Variants in NCAM2 observed in about 807,000 individuals in gnomAD.
NCAM2 encodes neural cell adhesion molecule 2.
A neutral mutation model predicts 98.1 loss-of-function variants in NCAM2; 30 were observed. The observed-to-expected ratio is 0.31, with a 90% CI of 0.23 to 0.41. The LOEUF is 0.41. Among genes scored for constraint, NCAM2 ranks in the 10% least tolerant of loss-of-function variants. The pLI, the probability that NCAM2 is intolerant of heterozygous loss-of-function variation, is 1.00. For missense variants in NCAM2, 867 were observed against 1,005.8 expected, an observed-to-expected ratio of 0.86 and a Z score of 1.87; for synonymous variants, 368 against 342.4, an observed-to-expected ratio of 1.07 and a Z score of -0.83.
intron 1 of NCAM2, among the ~76,000 whole-genome samples, chr21:21,049,050 C>T (rs1374264276): frequency 4.7e-5 from 6 of 128,910 alleles, no homozygotes; most frequent in South Asian, 2.4e-4. Flanking sequence ...CTCGCTCTGT[C>T]GCCCAGGCTG....
intron 1 of NCAM2, among the ~76,000 whole-genome samples, chr21:21,176,365 A>G (rs2068289994): frequency 6.6e-6 from 1 of 152,152 alleles, no homozygotes; most frequent in Non-Finnish European, 1.5e-5. Flanking sequence ...TGTCATAGCA[A>G]CCATCTATAT....
intron 1 of NCAM2, among the ~76,000 whole-genome samples, chr21:21,031,844 G>A (rs1163092999): frequency 3.3e-5 from 5 of 151,540 alleles, no homozygotes; most frequent in Non-Finnish European, 5.9e-5. Flanking sequence ...ACACACGTGT[G>A]CTTGTGCAAT....
At chr21:21,481,567 A>G (rs1427865888) in intron 15 of NCAM2, among the ~76,000 whole-genome samples, 2 of 152,114 alleles carry the variant, frequency 1.3e-5, no homozygotes, top group South Asian at 2.1e-4. Flanking sequence ...TGCTTTCAGG[A>G]AGTTTTTCTA....
intron 1 of NCAM2, among the ~76,000 whole-genome samples, chr21:21,274,949 G>T (rs1225097884): frequency 6.6e-6 from 1 of 151,916 alleles, no homozygotes; most frequent in Non-Finnish European, 1.5e-5. Context: ...AGCAAAGGGC[G>T]CTTGGTACCC....
rs766551961 is a variant in NCAM2, at chr21:21,286,263, A to C, written c.338-6A>C. Reference sequence around the variant, plus strand: ...ATTTGTGATTTGTTTTACTTTGTTGATACAGAAAAACTCACTTTCAGAGAA... The same window carrying C: ...ATTTGTGATTTGTTTTACTTTGTTGCTACAGAAAAACTCACTTTCAGAGAA... On this transcript the variant is annotated splice_polypyrimidine_tract_variant and splice_region_variant and intron_variant, in intron 3 of 17. Coordinates refer to ENST00000400546, the MANE Select transcript of NCAM2 (RefSeq NM_004540.5). The C allele has an allele frequency of 6.3e-7, 1 of 1,585,394 alleles. No individual in the cohort carries two copies. Among genetic ancestry groups the C allele is most frequent in the South Asian group, 1.1e-5 (1 of 88,220 alleles).
intron 4 of NCAM2, among the ~76,000 whole-genome samples, chr21:21,287,156 A>G (rs1274680448): frequency 6.6e-6 from 1 of 151,920 alleles, no homozygotes; most frequent in Non-Finnish European, 1.5e-5. Flanking sequence ...AGCATTTTCA[A>G]TTTAGAATTT....
intron 10 of NCAM2, among the ~76,000 whole-genome samples, chr21:21,415,936 C>T (rs1167393291): frequency 6.6e-6 from 1 of 152,164 alleles, no homozygotes; most frequent in African/African-American, 2.4e-5. Flanking sequence ...GCTTTCTTAT[C>T]ATTTGTGAGT....
chr21:21,342,427 C>T (rs1034546034), intron 8 of NCAM2, among the ~76,000 whole-genome samples: 1 of 152,178 alleles, frequency 6.6e-6, no homozygotes, highest in Non-Finnish European at 1.5e-5. Context: ...CAACATGGCT[C>T]ACTTAAGTGG....
At chr21:21,160,502 A>T (rs114579155) in intron 1 of NCAM2, among the ~76,000 whole-genome samples, 1 of 152,004 alleles carries the variant, frequency 6.6e-6, no homozygotes, top group African/African-American at 2.4e-5. Flanking sequence ...AAGTCTTACA[A>T]TATTTTCTAA....
At chr21:21,276,164 A>C (rs1480930590) in intron 1 of NCAM2, among the ~76,000 whole-genome samples, 1 of 152,096 alleles carries the variant, frequency 6.6e-6, no homozygotes, top group Non-Finnish European at 1.5e-5. Flanking sequence ...TAATGGGCAA[A>C]CTTGATACAC....
At chr21:21,291,789 A>G (rs962577818) in intron 4 of NCAM2, among the ~76,000 whole-genome samples, 3 of 151,714 alleles carry the variant, frequency 2.0e-5, no homozygotes, top group Non-Finnish European at 4.4e-5. Flanking sequence ...ATCTCTCTGC[A>G]TTGTTCTTTT....
chr21:21,438,928 T>C (rs1978812318), intron 12 of NCAM2, among the ~76,000 whole-genome samples: 1 of 151,866 alleles, frequency 6.6e-6, no homozygotes, highest in African/African-American at 2.4e-5. Context: ...CTAAAAAAAT[T>C]GTTTTTTATT....
chr21:21,050,831 C>G (rs4818598), intron 1 of NCAM2, among the ~76,000 whole-genome samples: 143,207 of 152,268 alleles, frequency 0.94, 67,954 homozygotes, highest in East Asian at 1. Context: ...CAAATGTGAA[C>G]TATTTTAGTT....
intron 1 of NCAM2, among the ~76,000 whole-genome samples, chr21:21,036,963 C>T (rs1173546508): frequency 6.6e-6 from 1 of 152,170 alleles, no homozygotes; most frequent in African/African-American, 2.4e-5. Flanking sequence ...GCACAAATGG[C>T]AGCTTTTCAG....
chr21:21,425,916 C>G (rs531598305), intron 11 of NCAM2, among the ~76,000 whole-genome samples: 5 of 152,124 alleles, frequency 3.3e-5, no homozygotes, highest in African/African-American at 1.2e-4. Flanking sequence ...AATGTATTAC[C>G]AACATAAATA....
At chr21:21,422,701 A>G (rs1184842077) in intron 11 of NCAM2, among the ~76,000 whole-genome samples, 1 of 152,148 alleles carries the variant, frequency 6.6e-6, no homozygotes, top group African/African-American at 2.4e-5. Flanking sequence ...CTTTTAATCC[A>G]AATATTAACT....
rs73232030 is a variant in NCAM2, at chr21:21,347,813, A to T, written c.1044+9279A>T. 3.4e-3 allele frequency among the ~76,000 whole-genome samples: 519 copies of T among 152,082 alleles called. 2 individuals carry two copies. Among genetic ancestry groups the T allele is most frequent in the Non-Finnish European group, 5.9e-3 (397 of 67,854 alleles). ...AAGTGGGATTTTTCCTTGGGTCAACATATAAAATCAATGTGATACATCATA... is the reference window on the plus strand; with the variant it reads ...AAGTGGGATTTTTCCTTGGGTCAACTTATAAAATCAATGTGATACATCATA... On this transcript the variant is annotated intron_variant, in intron 8 of 17. Coordinates refer to ENST00000400546, the MANE Select transcript of NCAM2 (RefSeq NM_004540.5).
intron 1 of NCAM2, among the ~76,000 whole-genome samples, chr21:21,200,335 G>A (rs902722036): frequency 6.7e-6 from 1 of 149,716 alleles, no homozygotes; most frequent in Non-Finnish European, 1.5e-5. Context: ...GTTCTCAGAA[G>A]TCGCATGACT....
At chr21:21,155,320 G>C (rs1440824380) in intron 1 of NCAM2, among the ~76,000 whole-genome samples, 2 of 151,050 alleles carry the variant, frequency 1.3e-5, no homozygotes, top group Non-Finnish European at 3.0e-5. Context: ...AAATGTTTTG[G>C]TTTAAATATG....
Sources: gnomAD v4.1 joint callset for allele counts (sites outside exome capture counted in the v4.1 genomes callset) on GRCh38, gnomAD v4.1.1 for gene constraint, MANE v1.5 for transcripts, NCBI Gene and HGNC (gene_info 2026-07-23, HGNC 2026-07-21) for gene names.